The following CDH13 variants were observed in gnomAD, a reference collection of about 807,000 sequenced individuals.
The protein encoded by CDH13 is cadherin 13.
Under a neutral mutation model 63.8 loss-of-function variants are expected in CDH13, and 24 were observed. That is an observed-to-expected ratio of 0.38 (90% CI 0.27 to 0.53). The LOEUF is 0.53. Among genes scored for constraint, CDH13 ranks in the 20% least tolerant of loss-of-function variants. The pLI is 0.85. For synonymous variants in CDH13, 503 were observed against 355.3 expected, an observed-to-expected ratio of 1.42 and a Z score of -4.67; for missense variants, 1,049 against 903.1, an observed-to-expected ratio of 1.16 and a Z score of -2.07.
chr16:83,015,680 T>TATAA, intron 2 of CDH13, among the ~76,000 whole-genome samples: 1 of 52,698 alleles, frequency 1.9e-5, no homozygotes, highest in Non-Finnish European at 3.5e-5. Flanking sequence ...TGTGTATGTA[T>TATAA]ATATATATAT....
At chr16:82,952,828 C>G (rs1482932279) in intron 2 of CDH13, among the ~76,000 whole-genome samples, 1 of 152,126 alleles carries the variant, frequency 6.6e-6, no homozygotes, top group Non-Finnish European at 1.5e-5. Context: ...GAACTGACAC[C>G]CTGTCTTGTT....
In CDH13 at chr16:83,557,358, G is replaced by A. The variant is rs899259144; in HGVS notation, c.961-45096G>A. Among the ~76,000 whole-genome samples, 47 of 152,120 alleles carry A rather than the reference G, an allele frequency of 3.1e-4. 1 individual carries two copies. Among genetic ancestry groups the A allele is most frequent in the Non-Finnish European group, 3.1e-4 (21 of 68,026 alleles). On this transcript the variant is annotated intron_variant, in intron 7 of 13. Transcript: ENST00000567109. Reference sequence around the variant, plus strand: ...AATAGAAATAAAGTGCACAATAAATGTAATGGGCTTGACTCATCCCAAAAC... The same window carrying A: ...AATAGAAATAAAGTGCACAATAAATATAATGGGCTTGACTCATCCCAAAAC...
At chr16:83,212,419 C>G (rs2039365195) in intron 4 of CDH13, among the ~76,000 whole-genome samples, 1 of 152,168 alleles carries the variant, frequency 6.6e-6, no homozygotes, top group South Asian at 2.1e-4. Context: ...GAGGGACTTT[C>G]CCCACTCCAC....
chr16:82,782,536 T>C (rs914754737), intron 1 of CDH13, among the ~76,000 whole-genome samples: 30 of 141,410 alleles, frequency 2.1e-4, no homozygotes, highest in Admixed American at 1.5e-4. Flanking sequence ...TGGGCGACAG[T>C]GCCAGACTCC....
chr16:83,126,167 C>T (rs1471695490), intron 4 of CDH13, among the ~76,000 whole-genome samples: 1 of 152,170 alleles, frequency 6.6e-6, no homozygotes, highest in Admixed American at 6.5e-5. Flanking sequence ...AAAGGAGAAC[C>T]AGCACTCAGG....
At chr16:83,755,792 C>T (rs1162898073) in intron 11 of CDH13, among the ~76,000 whole-genome samples, 1 of 150,436 alleles carries the variant, frequency 6.6e-6, no homozygotes, top group Non-Finnish European at 1.5e-5. Context: ...CAGGTTTATG[C>T]CTTTTACTGA....
intron 3 of CDH13, among the ~76,000 whole-genome samples, chr16:83,052,967 C>A (rs555021670): frequency 6.6e-6 from 1 of 151,686 alleles, no homozygotes; most frequent in Admixed American, 6.6e-5. Flanking sequence ...GATAGAAGAC[C>A]GTGAAAGAGG....
chr16:83,079,237 C>A (rs1156508826), intron 3 of CDH13, among the ~76,000 whole-genome samples: 1 of 152,210 alleles, frequency 6.6e-6, no homozygotes, highest in African/African-American at 2.4e-5. Flanking sequence ...GTGTCTTCTG[C>A]ACTATAAATT....
intron 4 of CDH13, among the ~76,000 whole-genome samples, chr16:83,198,328 C>CACACAG (rs2038934242): frequency 6.9e-6 from 1 of 145,256 alleles, no homozygotes; most frequent in African/African-American, 2.6e-5. Context: ...CATGTACACA[C>CACACAG]ACACACACAC....
chr16:82,889,810 A>G (rs1483549050), intron 2 of CDH13, among the ~76,000 whole-genome samples: 2 of 152,240 alleles, frequency 1.3e-5, no homozygotes, highest in African/African-American at 4.8e-5. Context: ...AAAGAAAGAA[A>G]ACAACTAAAA....
intron 7 of CDH13, among the ~76,000 whole-genome samples, chr16:83,500,856 A>C (rs572607824): frequency 6.6e-6 from 1 of 152,132 alleles, no homozygotes; most frequent in South Asian, 2.1e-4. Flanking sequence ...TTGGGATTGC[A>C]GGCATAAGCC....
chr16:83,134,554 A>C (rs1313496264), intron 4 of CDH13, among the ~76,000 whole-genome samples: 1 of 52,842 alleles, frequency 1.9e-5, no homozygotes, highest in Non-Finnish European at 3.8e-5. Flanking sequence ...GGAGAGAGAG[A>C]GAGAGAGAGA....
intron 2 of CDH13, among the ~76,000 whole-genome samples, chr16:82,947,976 T>C (rs1005490208): frequency 2.6e-5 from 4 of 152,348 alleles, no homozygotes; most frequent in African/African-American, 4.8e-5. Context: ...AAGGACCATA[T>C]TGAATTCATT....
At position 82,877,960 on chromosome 16, in the gene CDH13, CATAT is replaced by C. The variant is rs72497565; in HGVS notation, c.157+19489_157+19492del. 1.6e-3 allele frequency among the ~76,000 whole-genome samples: 143 copies of C among 91,168 alleles called. 1 individual carries two copies. The East Asian group carries it at 0.016, about 10-fold the overall frequency. 59.8% of individuals were successfully genotyped at this position (91,168 alleles called of 152,430 possible). ...ACACACACACACACACACACACACA[CATAT>C]ACACACACACACACTCTATATATGT... On this transcript the variant is annotated intron_variant, in intron 2 of 13. Coordinates refer to ENST00000567109, the MANE Select transcript of CDH13 (RefSeq NM_001257.5).
intron 7 of CDH13, among the ~76,000 whole-genome samples, chr16:83,554,700 T>A (rs1254539269): frequency 6.6e-6 from 1 of 151,892 alleles, no homozygotes; most frequent in Non-Finnish European, 1.5e-5. Flanking sequence ...CACACACAAA[T>A]ACTTCTGCAA....
intron 2 of CDH13, among the ~76,000 whole-genome samples, chr16:82,880,626 A>G (rs1453241001): frequency 6.6e-6 from 1 of 152,184 alleles, no homozygotes; most frequent in Non-Finnish European, 1.5e-5. Context: ...GCCCAAGTCA[A>G]TGGCCAACGG....
At chr16:83,499,643 C>T (rs561831057) in intron 7 of CDH13, among the ~76,000 whole-genome samples, 17 of 152,342 alleles carry the variant, frequency 1.1e-4, no homozygotes, top group African/African-American at 2.9e-4. Flanking sequence ...CTGTAAATCA[C>T]AGTAATGCCT....
At chr16:82,852,529 C>A (rs1308312042) in intron 1 of CDH13, among the ~76,000 whole-genome samples, 1 of 152,202 alleles carries the variant, frequency 6.6e-6, no homozygotes, top group Non-Finnish European at 1.5e-5. Flanking sequence ...ATCCTTCCAC[C>A]CTTATTCTGT....
In CDH13 at chr16:83,080,892, T is replaced by G. The variant is rs1428176679; in HGVS notation, c.367-44493T>G. On this transcript the variant is annotated intron_variant, in intron 3 of 13. Coordinates refer to ENST00000567109, the MANE Select transcript of CDH13 (RefSeq NM_001257.5). ...TTGTGTTTTTTTTTTTTTTTTTTTT[T>G]TTTTTTGAGACAGAGTTTTGCTGTT... 1.5e-4 allele frequency among the ~76,000 whole-genome samples: 20 copies of G among 133,564 alleles called. 1 individual carries two copies. The highest frequency in any genetic ancestry group is 2.4e-4 in the Non-Finnish European group (15 of 63,662). The allele number at this position is 133,564 out of a possible 152,430, so 87.6% of individuals were successfully genotyped here. A position where few individuals can be genotyped will look rare whatever the true frequency, so the allele number is the denominator to read the frequency against.
Sources: gnomAD v4.1 joint callset for allele counts (sites outside exome capture counted in the v4.1 genomes callset) on GRCh38, gnomAD v4.1.1 for gene constraint, MANE v1.5 for transcripts, NCBI Gene and HGNC (gene_info 2026-07-23, HGNC 2026-07-21) for gene names.